TECTA: variants seen among roughly 807,000 people sequenced by gnomAD.
TECTA encodes alpha-tectorin.
In TECTA, 128 loss-of-function variants were observed where a neutral mutation model predicts 216.8. The observed-to-expected ratio is 0.59, with a 90% confidence interval of 0.51 to 0.68. TECTA has a LOEUF of 0.68. Among genes scored for constraint, TECTA ranks in the 30% least tolerant of loss-of-function variants. The pLI is 0.00. For missense variants in TECTA, 2,551 were observed against 2,786.2 expected, an observed-to-expected ratio of 0.92 and a Z score of 1.90; for synonymous variants, 1,089 against 1,117.1, an observed-to-expected ratio of 0.97 and a Z score of 0.50.
chr11:121,168,570 C>G, intron 19 of TECTA, 107 bp from the exon 20 acceptor site: 1 of 1,550,984 alleles, frequency 6.4e-7, no homozygotes, highest in Non-Finnish European at 8.9e-7. Flanking sequence ...TTAGACTTTG[C>G]TACTACGTGC....
In TECTA at chr11:121,129,981, A is replaced by C. The variant is rs753188562; in HGVS notation, c.2711A>C (p.Lys904Thr). 2 of 1,605,378 alleles carry C rather than the reference A, an allele frequency of 1.2e-6. No individual in the cohort carries two copies. The highest frequency in any genetic ancestry group is 8.5e-7 in the Non-Finnish European group (1 of 1,174,514). ...KACNNDSELL[K>T]FYRSRSRCGI... is the part of the protein sequence containing the mutation. ...TGCAACAATGACTCGGAGCTGCTCA[A>C]GTTTTATCGAAGCCGCTCCAGGTGC... The change falls in exon 10 of 24, where the codon AAG becomes ACG. Residue 904 changes from lysine (K) to threonine (T), a missense_variant. This residue lies in a region of TECTA where 2,375 missense variants were observed against 2,563.9 expected (regional missense o/e 0.93). Transcript: ENST00000392793.
At chr11:121,153,834 G>A (rs1407194542) in intron 13 of TECTA, among the ~76,000 whole-genome samples, 1 of 152,174 alleles carries the variant, frequency 6.6e-6, no homozygotes, top group Non-Finnish European at 1.5e-5. Context: ...AAAAGCTCTT[G>A]CCTAGACAAG....
intron 12 of TECTA, 101 bp downstream of exon 12, chr11:121,146,217 A>T: frequency 7.2e-7 from 1 of 1,394,868 alleles, no homozygotes; most frequent in Non-Finnish European, 9.9e-7. Context: ...CAAATTGAGT[A>T]GCAATTTAAG....
chr11:121,145,579 C>G lies in TECTA; in HGVS notation c.3568C>G (p.Pro1190Ala). ...GGTCAACAGTGAACGGCTCTATCTG[C>G]CCCTGAAGCTGGGGCAAGGGAAGAT... ...VLVNSERLYLPLKLGQGKINI... is the reference protein window; with the variant it reads ...VLVNSERLYLALKLGQGKINI... Residue 1190 changes from proline to alanine, a missense_variant, in exon 12 of 24, where the codon CCC becomes GCC. Pro to Ala is a conservative substitution (Grantham distance 27). Around this residue, in one of 3 missense-constraint regions of TECTA, gnomAD observed 2,375 missense variants for 2,563.9 expected, o/e 0.93. Transcript: ENST00000392793. 1 of 1,614,224 alleles carries G rather than the reference C, an allele frequency of 6.2e-7. No homozygotes were observed. Among genetic ancestry groups the G allele is most frequent in the Non-Finnish European group, 8.5e-7 (1 of 1,180,036 alleles).
chr11:121,190,925 G>A lies in TECTA; in HGVS notation c.*119G>A, dbSNP rs1591475105. 7 of 772,716 alleles carry A rather than the reference G, an allele frequency of 9.1e-6. No homozygotes were observed. Among genetic ancestry groups the A allele is most frequent in the South Asian group, 7.3e-5 (5 of 68,042 alleles). The allele number at this position is 772,716 out of a possible 1,614,324, so 47.9% of individuals were successfully genotyped here. ...AAAGTGTCCAGCATCTCAAAATGAT[G>A]CCACCTGCCTCCAATGGTCCAAGGT... On this transcript the variant is annotated 3_prime_UTR_variant, in exon 24 of 24. Coordinates refer to ENST00000392793, the MANE Select transcript of TECTA (RefSeq NM_005422.4).
chr11:121,142,062 G>A (rs1946789809), intron 11 of TECTA, among the ~76,000 whole-genome samples: 1 of 152,096 alleles, frequency 6.6e-6, no homozygotes, highest in Admixed American at 6.5e-5. Context: ...AGGGTGTCTA[G>A]GAAAAGGAAA....
At chr11:121,166,491 A>C in intron 17 of TECTA, 87 bp from the exon 18 acceptor site, 1 of 1,399,428 alleles carries the variant, frequency 7.1e-7, no homozygotes, top group Admixed American at 1.7e-5. Context: ...CCTCTTCTAA[A>C]GGAGAATGGA....
Position 121,125,828 on chromosome 11 carries a change from C to A in TECTA, c.1730C>A (p.Ala577Asp). The A allele has an allele frequency of 6.2e-7, 1 of 1,613,272 alleles. No homozygotes were observed. The highest frequency in any genetic ancestry group is 8.5e-7 in the Non-Finnish European group (1 of 1,180,044). The change falls in exon 8 of 24, where the codon GCC becomes GAC. Residue 577 changes from alanine (A) to aspartate (D), a missense_variant. By Grantham distance (126) the Ala-to-Asp change is moderately radical. Coordinates refer to ENST00000392793, the MANE Select transcript of TECTA (RefSeq NM_005422.4). Reference protein sequence around the residue: ...AIQAYALVCQALGIPIGDWRT... With the variant: ...AIQAYALVCQDLGIPIGDWRT... ...CAGGCCTATGCTCTTGTGTGCCAAG[C>A]CCTTGGCATTCCAATTGGAGACTGG... is the stretch of plus-strand genomic sequence containing the variant.
At chr11:121,149,804 T>C (rs1343943554) in intron 12 of TECTA, among the ~76,000 whole-genome samples, 1 of 152,226 alleles carries the variant, frequency 6.6e-6, no homozygotes, top group African/African-American at 2.4e-5. Context: ...GCCCAGGTCA[T>C]CACGCCACAG....
chr11:121,168,131 G>A lies in TECTA; in HGVS notation c.5664G>A (p.Arg1888=), dbSNP rs1947073716. Reference sequence around the variant, plus strand: ...ACAACACTGGCAACATCATCACCAGGGACCGCACGATCAATGTGGAATTTT... The same window carrying A: ...ACAACACTGGCAACATCATCACCAGAGACCGCACGATCAATGTGGAATTTT... ...SANNTGNIIT[R]DRTINVEFSC... The change falls in exon 19 of 24, where the codon AGG becomes AGA. Residue 1888 remains arginine, a synonymous_variant. Transcript: ENST00000392793. The A allele has an allele frequency of 5.0e-6, 8 of 1,614,038 alleles. No homozygotes were observed. Among genetic ancestry groups the A allele is most frequent in the Middle Eastern group, 1.6e-4 (1 of 6,084 alleles).
In TECTA at chr11:121,113,464, G is replaced by A. The variant is rs1409553382; in HGVS notation, c.625-89G>A. On this transcript the variant is annotated intron_variant, in intron 5 of 23. Transcript: ENST00000392793. The surrounding 1 kb of genome is among the most constrained non-coding windows in gnomAD (Gnocchi z 4.2). ...GAAAAGACGGCTCTTGATTTTAGAG[G>A]TGCTGGATTTTAAAAATAAGGTAGT... 1 of 1,568,788 alleles carries A rather than the reference G, an allele frequency of 6.4e-7. No individual in the cohort carries two copies. The highest frequency in any genetic ancestry group is 8.8e-7 in the Non-Finnish European group (1 of 1,140,174).
rs114787272 is a variant in TECTA, at chr11:121,111,323, G to A, written c.487-1749G>A. On this transcript the variant is annotated intron_variant, in intron 4 of 23. Transcript: ENST00000392793. The stretch of plus-strand genomic sequence containing the variant: ...AAAAGAATAGGATTCAAATCTCCTA[G>A]GAGACAGAGCAGGGTTCAAACCAAA... Among the ~76,000 whole-genome samples the A allele has an allele frequency of 4.9e-3, 747 of 152,344 alleles. 8 individuals are homozygous for A. Among genetic ancestry groups the A allele is most frequent in the African/African-American group, 0.017 (714 of 41,578 alleles).
At chr11:121,103,327 G>A (rs192785736) in intron 2 of TECTA, among the ~76,000 whole-genome samples, 3 of 152,174 alleles carry the variant, frequency 2.0e-5, no homozygotes, top group East Asian at 3.9e-4. Flanking sequence ...AAGACGGGGC[G>A]GTCTACGTAG....
intron 13 of TECTA, among the ~76,000 whole-genome samples, chr11:121,156,336 GT>G (rs1322904256): frequency 6.6e-6 from 1 of 151,716 alleles, no homozygotes; most frequent in Non-Finnish European, 1.5e-5. Flanking sequence ...TACCATGCTG[GT>G]TGTTATTATT....
intron 20 of TECTA, among the ~76,000 whole-genome samples, chr11:121,186,571 C>T (rs1565541508): frequency 6.6e-6 from 1 of 152,178 alleles, no homozygotes; most frequent in East Asian, 1.9e-4. Context: ...CTTTAGAATC[C>T]TTGAGCCTGT....
rs147264073 is a variant in TECTA, at chr11:121,166,226, T to A, written c.5384-352T>A. Among the ~76,000 whole-genome samples the A allele has an allele frequency of 4.3e-3, 662 of 152,306 alleles. 7 individuals carry two copies. The highest frequency in any genetic ancestry group is 0.015 in the African/African-American group (619 of 41,570). ...CCAGTGCTGCTGTCCCTTGGAGGCA[T>A]GTTCTTCAGCCAGGCCACAATGTGC... On this transcript the variant is annotated intron_variant, in intron 17 of 23. Coordinates refer to ENST00000392793, the MANE Select transcript of TECTA (RefSeq NM_005422.4).
At chr11:121,144,679 C>G (rs551848615) in intron 11 of TECTA, among the ~76,000 whole-genome samples, 1 of 152,162 alleles carries the variant, frequency 6.6e-6, no homozygotes, top group Non-Finnish European at 1.5e-5. Context: ...AAGGGATTTC[C>G]CTCTTGTCTG....
intron 12 of TECTA, among the ~76,000 whole-genome samples, chr11:121,150,649 T>TAA (rs1446888498): frequency 1.7e-5 from 2 of 115,114 alleles, no homozygotes; most frequent in African/African-American, 2.7e-5. Flanking sequence ...TTTAATTTTT[T>TAA]TTTTTTTTTT....
At chr11:121,177,048 G>A (rs1947174689) in intron 20 of TECTA, among the ~76,000 whole-genome samples, 2 of 152,108 alleles carry the variant, frequency 1.3e-5, no homozygotes, top group African/African-American at 2.4e-5. Context: ...ACACTTCTCT[G>A]TATTGGTTAT....
Sources: gnomAD v4.1 joint callset for allele counts (sites outside exome capture counted in the v4.1 genomes callset) on GRCh38, gnomAD v4.1.1 for gene constraint, gnomAD v4.1.1 regional missense constraint, Gnocchi (gnomAD v3.1) non-coding constraint, MANE v1.5 for transcripts, NCBI Gene and HGNC (gene_info 2026-07-23, HGNC 2026-07-21) for gene names.